GRAMD1B: variants seen among roughly 807,000 people sequenced by gnomAD.
GRAMD1B encodes protein Aster-B.
In GRAMD1B, 37 loss-of-function variants were observed where a neutral mutation model predicts 99.7. The ratio of observed to expected loss-of-function variants is 0.37; its 90% CI spans 0.29 to 0.49. GRAMD1B has a LOEUF of 0.49. Among genes scored for constraint, GRAMD1B ranks in the 20% least tolerant of loss-of-function variants. GRAMD1B has a pLI of 0.98. For missense variants in GRAMD1B, 888 were observed against 1,009.2 expected (o/e 0.88, Z 1.63); for synonymous variants, 427 against 387.6 (o/e 1.10, Z -1.19).
Position 123,625,974 on chromosome 11 carries a change from G to GAGAGAGAA in GRAMD1B, c.*3386_*3387insAAGAGAGA, listed in dbSNP as rs1396157675. The GAGAGAGAA allele has an allele frequency of 1.2e-5, 1 of 80,498 alleles. No homozygotes were observed. The highest frequency in any genetic ancestry group is 5.1e-4 in the South Asian group (1 of 1,960). 5.0% of individuals were successfully genotyped at this position (80,498 alleles called of 1,614,324 possible). ...AGAGAGAGAGAGAGAGAGAGAGAGA[G>GAGAGAGAA]AGAGAGATCGAGCTTGATGTATTGC... is the stretch of plus-strand genomic sequence containing the variant. On this transcript the variant is annotated 3_prime_UTR_variant, in exon 20 of 20. Transcript: ENST00000635736.
intron 1 of GRAMD1B, among the ~76,000 whole-genome samples, chr11:123,374,241 C>G (rs890251508): frequency 6.6e-6 from 1 of 152,156 alleles, no homozygotes; most frequent in African/African-American, 2.4e-5. Context: ...CTGTTTCATT[C>G]TCCCCTGCCC....
intron 1 of GRAMD1B, among the ~76,000 whole-genome samples, chr11:123,401,256 C>A (rs61904736): frequency 0.06 from 9,097 of 152,270 alleles, 312 homozygotes; most frequent in Admixed American, 0.086. Flanking sequence ...TTTGCCCCTC[C>A]CTCTGTCCCA....
intron 2 of GRAMD1B, among the ~76,000 whole-genome samples, chr11:123,521,577 T>C (rs1215633551): frequency 3.3e-5 from 5 of 152,200 alleles, no homozygotes. Context: ...GCATTGTTTT[T>C]GGGTCAGTTG....
At chr11:123,453,924 T>G (rs1336009291) in intron 1 of GRAMD1B, among the ~76,000 whole-genome samples, 1 of 152,192 alleles carries the variant, frequency 6.6e-6, no homozygotes, top group Non-Finnish European at 1.5e-5. Flanking sequence ...AACAGAAATG[T>G]GTTTCTATTT....
At chr11:123,569,808 GA>G (rs1401664236) in intron 2 of GRAMD1B, among the ~76,000 whole-genome samples, 3 of 152,192 alleles carry the variant, frequency 2.0e-5, no homozygotes, top group African/African-American at 7.2e-5. Flanking sequence ...AGGAATTAGG[GA>G]CTAGTCATCA....
At chr11:123,557,752 G>A (rs756514547) in intron 2 of GRAMD1B, among the ~76,000 whole-genome samples, 10 of 152,130 alleles carry the variant, frequency 6.6e-5, no homozygotes, top group African/African-American at 1.2e-4. Context: ...CTGACATACG[G>A]TTTTAACCCA....
chr11:123,477,047 C>A (rs895618715), intron 1 of GRAMD1B, among the ~76,000 whole-genome samples: 2 of 152,182 alleles, frequency 1.3e-5, no homozygotes, highest in African/African-American at 4.8e-5. Context: ...TTTCCTATAA[C>A]CCATAAAATG....
chr11:123,612,105 G>A lies in GRAMD1B; in HGVS notation c.1920-656G>A, dbSNP rs987877146. On this transcript the variant is annotated intron_variant, in intron 14 of 19. Coordinates refer to ENST00000635736, the MANE Select transcript of GRAMD1B (RefSeq NM_001387025.1). The stretch of plus-strand genomic sequence containing the variant: ...CAGATGATATTCTTTTTTTTTTTCT[G>A]AGACAGGATCTCACTCTCTTCCCCA... Among the ~76,000 whole-genome samples the A allele has an allele frequency of 9.9e-5, 15 of 150,928 alleles. 1 individual carries two copies. The highest frequency in any genetic ancestry group is 2.2e-4 in the Non-Finnish European group (15 of 67,708).
chr11:123,403,659 T>C (rs1475732146), intron 1 of GRAMD1B, among the ~76,000 whole-genome samples: 4 of 151,428 alleles, frequency 2.6e-5, no homozygotes, highest in African/African-American at 9.7e-5. Context: ...TTCTCCTGCC[T>C]CAGCCTCCCG....
intron 2 of GRAMD1B, among the ~76,000 whole-genome samples, chr11:123,574,076 T>TAAA (rs5795381): frequency 3.2e-5 from 4 of 125,734 alleles, no homozygotes; most frequent in African/African-American, 8.6e-5. Flanking sequence ...TGAACAGAAT[T>TAAA]AAAAAAAAAA....
chr11:123,508,860 T>C (rs977167853), intron 2 of GRAMD1B, among the ~76,000 whole-genome samples: 11 of 152,186 alleles, frequency 7.2e-5, no homozygotes, highest in Non-Finnish European at 1.3e-4. Flanking sequence ...TAATTTTGTA[T>C]TTTTAGTAGA....
At chr11:123,404,565 T>C (rs1947787630) in intron 1 of GRAMD1B, among the ~76,000 whole-genome samples, 2 of 152,234 alleles carry the variant, frequency 1.3e-5, no homozygotes, top group African/African-American at 4.8e-5. Flanking sequence ...GTTAAGCACT[T>C]AAGATCACAC....
At chr11:123,608,402 C>T in intron 11 of GRAMD1B, 2 of 1,112,066 alleles carry the variant, frequency 1.8e-6, no homozygotes, top group Non-Finnish European at 2.5e-6. Context: ...GCAAATCGTA[C>T]ATTCCCAAAC....
At chr11:123,475,956 A>G (rs1276298071) in intron 1 of GRAMD1B, among the ~76,000 whole-genome samples, 4 of 151,794 alleles carry the variant, frequency 2.6e-5, no homozygotes, top group Admixed American at 6.6e-5. Flanking sequence ...CAGGTGGCCT[A>G]TATCATTGAA....
chr11:123,560,768 G>C, intron 2 of GRAMD1B: 1 of 449,522 alleles, frequency 2.2e-6, no homozygotes, highest in South Asian at 1.6e-5. Flanking sequence ...TTTTGGAAGC[G>C]GTGGCTCTGT....
At chr11:123,390,297 G>A (rs1947229740) in intron 1 of GRAMD1B, among the ~76,000 whole-genome samples, 1 of 152,108 alleles carries the variant, frequency 6.6e-6, no homozygotes, top group African/African-American at 2.4e-5. Context: ...GACTTGCTCT[G>A]GCGGCAGTGG....
intron 2 of GRAMD1B, among the ~76,000 whole-genome samples, chr11:123,481,505 T>G (rs1159155237): frequency 6.6e-6 from 1 of 152,050 alleles, no homozygotes; most frequent in African/African-American, 2.4e-5. Context: ...AGGACTTGAG[T>G]CATGCCCTAT....
intron 4 of GRAMD1B, among the ~76,000 whole-genome samples, chr11:123,584,828 G>A (rs1592138044): frequency 6.6e-6 from 1 of 152,162 alleles, no homozygotes; most frequent in Non-Finnish European, 1.5e-5. Context: ...TTCCTACAAG[G>A]CCTCCTGGTG....
chr11:123,430,875 C>T lies in GRAMD1B; in HGVS notation c.83C>T (p.Pro28Leu). ...CCGCAGGGTGCGCCCGAGGGCAGCC[C>T]GGTCTGGTCCAGTTCGTCGACCCCC... ...PEPQGAPEGS[P>L]VWSSSSTPTL... Residue 28 changes from proline (P) to leucine (L), a missense_variant, in exon 1 of 20, where the codon CCG (proline) becomes CTG (leucine). Pro to Leu is a moderately conservative substitution (Grantham distance 98). Around this residue, in one of 5 missense-constraint regions of GRAMD1B, gnomAD observed 233 missense variants for 154.6 expected, o/e 1.51. Transcript: ENST00000635736. 1.4e-6 allele frequency: 1 copy of T among 702,296 alleles called. No homozygotes were observed. The highest frequency in any genetic ancestry group is 2.6e-6 in the Non-Finnish European group (1 of 384,736). The allele number at this position is 702,296 out of a possible 1,614,324, so 43.5% of individuals were successfully genotyped here.
Sources: gnomAD v4.1 joint callset for allele counts (sites outside exome capture counted in the v4.1 genomes callset) on GRCh38, gnomAD v4.1.1 for gene constraint, gnomAD v4.1.1 regional missense constraint, MANE v1.5 for transcripts, NCBI Gene and HGNC (gene_info 2026-07-23, HGNC 2026-07-21) for gene names.